Variants in AOPEP observed in about 807,000 individuals in gnomAD.
The protein encoded by AOPEP is aminopeptidase O (putative).
In AOPEP, 77 loss-of-function variants were observed where a neutral mutation model predicts 98.1. The observed-to-expected ratio is 0.78, with a 90% confidence interval of 0.65 to 0.95. AOPEP has a LOEUF of 0.95. AOPEP is among the 40% of genes least tolerant of loss of function. The pLI is 0.00. For synonymous variants in AOPEP, 346 were observed against 365.3 expected (o/e 0.95, Z 0.60); for missense variants, 1,024 against 1,024.7 (o/e 1.00, Z 0.01).
At chr9:94,999,514 C>T (rs774111382) in intron 11 of AOPEP, among the ~76,000 whole-genome samples, 2 of 152,158 alleles carry the variant, frequency 1.3e-5, no homozygotes, top group Admixed American at 6.5e-5. Flanking sequence ...CAGAAAATTA[C>T]TATCTAATGG....
At chr9:94,799,223 A>C (rs773830045) in intron 4 of AOPEP, among the ~76,000 whole-genome samples, 1 of 152,224 alleles carries the variant, frequency 6.6e-6, no homozygotes, top group Non-Finnish European at 1.5e-5. Context: ...CAGCATCTTA[A>C]GATTTTTCAT....
At chr9:95,042,305 C>CT (rs2065395843) in intron 13 of AOPEP, among the ~76,000 whole-genome samples, 1 of 143,948 alleles carries the variant, frequency 6.9e-6, no homozygotes, top group South Asian at 2.3e-4. Context: ...GAGCGAGACT[C>CT]TGTCTCAAAA....
intron 7 of AOPEP, among the ~76,000 whole-genome samples, chr9:94,939,821 C>A (rs1312168816): frequency 2.0e-5 from 3 of 152,192 alleles, no homozygotes; most frequent in African/African-American, 7.2e-5. Context: ...CCTTGTGGAA[C>A]TGAGGAAACA....
chr9:95,022,740 G>A (rs1326056967), intron 13 of AOPEP, among the ~76,000 whole-genome samples: 1 of 152,154 alleles, frequency 6.6e-6, no homozygotes, highest in African/African-American at 2.4e-5. Flanking sequence ...AGTAGAAATA[G>A]TTTGTTGAGA....
intron 2 of AOPEP, among the ~76,000 whole-genome samples, chr9:94,769,481 C>G (rs1417221474): frequency 6.6e-6 from 1 of 152,134 alleles, no homozygotes; most frequent in East Asian, 1.9e-4. Context: ...TCAAGGTGTG[C>G]CTACCCTAAG....
chr9:95,032,928 A>G (rs1227692881), intron 13 of AOPEP, among the ~76,000 whole-genome samples: 1 of 152,150 alleles, frequency 6.6e-6, no homozygotes, highest in African/African-American at 2.4e-5. Context: ...GGGGATAAGG[A>G]TTCTTCTGAT....
chr9:95,138,660 T>TACC, the AOPEP span, among the ~76,000 whole-genome samples: 7 of 152,210 alleles, frequency 4.6e-5, no homozygotes, highest in African/African-American at 1.7e-4. Context: ...CTTCTGCCAG[T>TACC]ACCACATCCT....
chr9:95,037,288 C>G (rs2064914587), intron 13 of AOPEP, among the ~76,000 whole-genome samples: 1 of 152,032 alleles, frequency 6.6e-6, no homozygotes, highest in South Asian at 2.1e-4. Context: ...CTTAAGAACT[C>G]TTTCTGAAGT....
chr9:95,133,164 T>C, the AOPEP span, among the ~76,000 whole-genome samples: 1 of 152,218 alleles, frequency 6.6e-6, no homozygotes, highest in Non-Finnish European at 1.5e-5. Flanking sequence ...AGGTTACCCC[T>C]GCAATCACTT....
At chr9:94,775,224 G>T (rs1390138453) in intron 3 of AOPEP, among the ~76,000 whole-genome samples, 1 of 151,642 alleles carries the variant, frequency 6.6e-6, no homozygotes, top group East Asian at 1.9e-4. Context: ...TTCTCATCAG[G>T]TTGTGAAATG....
At chr9:95,084,315 G>C (rs2070308175) in intron 16 of AOPEP, among the ~76,000 whole-genome samples, 1 of 152,152 alleles carries the variant, frequency 6.6e-6, no homozygotes, top group Non-Finnish European at 1.5e-5. Flanking sequence ...ATAATGAAAA[G>C]AAATAAAAAG....
intron 9 of AOPEP, among the ~76,000 whole-genome samples, chr9:94,957,106 T>G (rs1393470153): frequency 2.0e-5 from 3 of 152,248 alleles, no homozygotes; most frequent in Non-Finnish European, 4.4e-5. Context: ...ATAAGTGCAT[T>G]GTATTTACCA....
chr9:94,819,635 C>T (rs988449229), intron 5 of AOPEP, among the ~76,000 whole-genome samples: 4 of 152,140 alleles, frequency 2.6e-5, no homozygotes, highest in Non-Finnish European at 4.4e-5. Context: ...AGTGCAATGG[C>T]ACGATCTGGG....
At chr9:94,959,411 A>G (rs1302902372) in intron 9 of AOPEP, among the ~76,000 whole-genome samples, 1 of 152,156 alleles carries the variant, frequency 6.6e-6, no homozygotes, top group African/African-American at 2.4e-5. Context: ...CCCATAAACC[A>G]TTTGTTAAAA....
At chr9:94,871,098 T>G (rs1391141038) in intron 5 of AOPEP, among the ~76,000 whole-genome samples, 1 of 152,256 alleles carries the variant, frequency 6.6e-6, no homozygotes, top group South Asian at 2.1e-4. Flanking sequence ...CAAAGGTCTG[T>G]AGCCTGGAGG....
chr9:94,832,847 A>G lies in AOPEP; in HGVS notation c.1364+31845A>G, dbSNP rs1032951114. Reference sequence around the variant, plus strand: ...ATAAAAAAATTTTAAGTGGTTACCTATAGTAGAAGAAAGCGGGGGAAAAGG... The same window carrying G: ...ATAAAAAAATTTTAAGTGGTTACCTGTAGTAGAAGAAAGCGGGGGAAAAGG... On this transcript the variant is annotated intron_variant, in intron 5 of 16. Coordinates refer to ENST00000375315, the MANE Select transcript of AOPEP (RefSeq NM_001193329.3). Among the ~76,000 whole-genome samples, 14 of 146,770 alleles carry G rather than the reference A, an allele frequency of 9.5e-5. No homozygotes were observed. The South Asian group carries it at 2.6e-3, about 28-fold the overall frequency.
intron 5 of AOPEP, among the ~76,000 whole-genome samples, chr9:94,825,220 A>T (rs2134290532): frequency 6.6e-6 from 1 of 152,300 alleles, no homozygotes; most frequent in Admixed American, 6.5e-5. Context: ...CCTACTGGAT[A>T]TGGTTTTGTG....
At chr9:94,857,784 A>T (rs1006563076) in intron 5 of AOPEP, among the ~76,000 whole-genome samples, 1 of 152,222 alleles carries the variant, frequency 6.6e-6, no homozygotes, top group African/African-American at 2.4e-5. Context: ...ATTTTAAAGC[A>T]GTTGCTTATC....
chr9:95,017,267 C>T (rs760446803), intron 13 of AOPEP, among the ~76,000 whole-genome samples: 1 of 151,950 alleles, frequency 6.6e-6, no homozygotes, highest in Non-Finnish European at 1.5e-5. Context: ...TGGGGAAATG[C>T]TTCATGTGGT....
Sources: allele counts gnomAD v4.1 joint callset (sites outside exome capture counted in the v4.1 genomes callset), GRCh38; gene constraint gnomAD v4.1.1; transcripts MANE v1.5; gene names NCBI Gene and HGNC (gene_info 2026-07-23, HGNC 2026-07-21).